TNFRSF10B: variants seen among roughly 807,000 people sequenced by gnomAD.
TNFRSF10B encodes tumor necrosis factor receptor superfamily member 10B.
In TNFRSF10B, 35 loss-of-function variants were observed where a neutral mutation model predicts 41.4. That is an observed-to-expected ratio of 0.85 (90% CI 0.65 to 1.12). The LOEUF (loss-of-function observed/expected upper bound fraction) is 1.12. Ranked by LOEUF, TNFRSF10B falls within the 50% of genes most tolerant of loss-of-function variation. The pLI is 0.00. For synonymous variants in TNFRSF10B, 230 were observed against 215.5 expected (o/e 1.07, Z -0.59); for missense variants, 584 against 552.7 (o/e 1.06, Z -0.57).
chr8:23,062,865 A>T (rs1348795134), intron 1 of TNFRSF10B, among the ~76,000 whole-genome samples: 1 of 152,250 alleles, frequency 6.6e-6, no homozygotes, highest in African/African-American at 2.4e-5. Flanking sequence ...ACTTGAAATA[A>T]TACAGATTGA....
At chr8:23,056,881 A>T (rs1409639958) in intron 1 of TNFRSF10B, among the ~76,000 whole-genome samples, 1 of 152,014 alleles carries the variant, frequency 6.6e-6, no homozygotes, top group Non-Finnish European at 1.5e-5. Context: ...TCTCTTTTTT[A>T]AAAGAGACTT....
Position 23,060,614 on chromosome 8 carries a change from G to A in TNFRSF10B, c.144+8137C>T, listed in dbSNP as rs374688480. On this transcript the variant is annotated intron_variant, in intron 1 of 8. Coordinates refer to ENST00000276431, the MANE Select transcript of TNFRSF10B (RefSeq NM_003842.5). ...TTTTATTCATTTTCAAGATTGTTTT[G>A]GATATTCTGGTCCCTAGAAATTCCA... Among the ~76,000 whole-genome samples the A allele has an allele frequency of 2.7e-4, 41 of 152,130 alleles. 1 individual carries two copies. In the East Asian group the frequency reaches 6.0e-3, roughly 22 times the overall value.
intron 1 of TNFRSF10B, among the ~76,000 whole-genome samples, chr8:23,065,100 G>A (rs934330408): frequency 6.6e-6 from 1 of 152,194 alleles, no homozygotes; most frequent in African/African-American, 2.4e-5. Context: ...GCTGTCACCT[G>A]CTCCACCAGA....
intron 7 of TNFRSF10B, 55 bp downstream of exon 7, chr8:23,027,078 C>G (rs189186303): frequency 6.2e-7 from 1 of 1,612,080 alleles, no homozygotes. Flanking sequence ...CCACTGTCTA[C>G]GAAATCCCAG....
chr8:23,027,808 C>G, intron 5 of TNFRSF10B, 55 bp from the exon 6 acceptor site: 1 of 1,610,994 alleles, frequency 6.2e-7, no homozygotes, highest in Non-Finnish European at 8.5e-7. Flanking sequence ...AAGCACCCCC[C>G]TCCCAGAGGA....
chr8:23,033,359 C>T (rs932990041), intron 2 of TNFRSF10B, among the ~76,000 whole-genome samples: 14 of 151,778 alleles, frequency 9.2e-5, no homozygotes, highest in African/African-American at 1.5e-4. Context: ...CCGAGGCGGG[C>T]GGATCACGAG....
chr8:23,060,645 A>G (rs1330613871), intron 1 of TNFRSF10B, among the ~76,000 whole-genome samples: 4 of 152,190 alleles, frequency 2.6e-5, no homozygotes, highest in Non-Finnish European at 5.9e-5. Context: ...TTCCATATGA[A>G]TTTTAGGATA....
At chr8:23,051,231 G>A (rs887498561) in intron 1 of TNFRSF10B, among the ~76,000 whole-genome samples, 1 of 152,156 alleles carries the variant, frequency 6.6e-6, no homozygotes, top group African/African-American at 2.4e-5. Flanking sequence ...AAAAAGGAAA[G>A]ACTAGTCAAA....
rs765178634 is a variant in TNFRSF10B, at chr8:23,068,945, T to A, written c.-51A>T. ...TCTCAGGCCCGTGGGTTTCAGCCCTTAAAGTAGATCGGGCATCGTCGGTGT... is the reference window on the plus strand; with the variant it reads ...TCTCAGGCCCGTGGGTTTCAGCCCTAAAAGTAGATCGGGCATCGTCGGTGT... On this transcript the variant is annotated 5_prime_UTR_variant, in exon 1 of 9. The change abolishes the stop of an existing upstream ORF in the 5' untranslated region. Transcript: ENST00000276431. 2 of 1,612,774 alleles carry A rather than the reference T, an allele frequency of 1.2e-6. No individual in the cohort carries two copies. Among genetic ancestry groups the A allele is most frequent in the Non-Finnish European group, 1.7e-6 (2 of 1,179,822 alleles).
chr8:23,047,914 T>C (rs1436833298), intron 1 of TNFRSF10B, among the ~76,000 whole-genome samples: 2 of 152,246 alleles, frequency 1.3e-5, no homozygotes, highest in African/African-American at 2.4e-5. Context: ...TCCATGTTCA[T>C]TGCAGCTCTA....
intron 1 of TNFRSF10B, among the ~76,000 whole-genome samples, chr8:23,045,929 A>G (rs1466229921): frequency 1.4e-5 from 2 of 146,354 alleles, no homozygotes; most frequent in African/African-American, 5.0e-5. Flanking sequence ...GTGTAAAGGG[A>G]ATGTATCAAC....
rs545619864 is a variant in TNFRSF10B, at chr8:23,022,076, T to C, written c.*595A>G. Reference sequence around the variant, plus strand: ...GAATTCGAGACCACCCTGAGCAACATAGAGAGCCCCTATATCTAGACAAAA... The same window carrying C: ...GAATTCGAGACCACCCTGAGCAACACAGAGAGCCCCTATATCTAGACAAAA... On this transcript the variant is annotated 3_prime_UTR_variant, in exon 9 of 9. Transcript: ENST00000276431. 3 of 436,004 alleles carry C rather than the reference T, an allele frequency of 6.9e-6. No individual in the cohort carries two copies. Among genetic ancestry groups the C allele is most frequent in the Admixed American group, 2.5e-5 (1 of 39,334 alleles). 27.0% of individuals were successfully genotyped at this position (436,004 alleles called of 1,614,324 possible).
chr8:23,061,366 C>CT (rs1240090896), intron 1 of TNFRSF10B, among the ~76,000 whole-genome samples: 1 of 152,098 alleles, frequency 6.6e-6, no homozygotes, highest in East Asian at 1.9e-4. Flanking sequence ...TCTGTACTGT[C>CT]TTTTACTGAA....
intron 1 of TNFRSF10B, among the ~76,000 whole-genome samples, chr8:23,057,461 C>T (rs1210784692): frequency 7.6e-6 from 1 of 131,864 alleles, no homozygotes; most frequent in Non-Finnish European, 1.6e-5. Context: ...AGATTGGAGT[C>T]TCACTCTGTT....
intron 1 of TNFRSF10B, among the ~76,000 whole-genome samples, chr8:23,056,017 C>T (rs1812654600): frequency 6.6e-6 from 1 of 152,154 alleles, no homozygotes; most frequent in African/African-American, 2.4e-5. Context: ...AATAAAAACT[C>T]TTTCTTCCCA....
chr8:23,033,585 CAAAAAAAAAAAAAAAAAAAAA>C (rs59282000), intron 2 of TNFRSF10B, among the ~76,000 whole-genome samples: 2 of 62,278 alleles, frequency 3.2e-5, no homozygotes, highest in African/African-American at 1.5e-4. Context: ...GACTCCGTCT[CAAAAAAAAAAAAAAAAAAAAA>C]AAAAAAAAAA....
rs190205205 is a variant in TNFRSF10B at position 23,052,000 on chromosome 8, G to A, written c.145-8757C>T. On this transcript the variant is annotated intron_variant, in intron 1 of 8. Coordinates refer to ENST00000276431, the MANE Select transcript of TNFRSF10B (RefSeq NM_003842.5). Reference sequence around the variant, plus strand: ...TACCTTGTAGGTTAGAAGGAAGATGGAGTCAGTTAGGTCAGATCATTTTCA... The same window carrying A: ...TACCTTGTAGGTTAGAAGGAAGATGAAGTCAGTTAGGTCAGATCATTTTCA... 7.9e-5 allele frequency among the ~76,000 whole-genome samples: 12 copies of A among 152,234 alleles called. 2 individuals carry two copies. The highest frequency in any genetic ancestry group is 2.9e-4 in the African/African-American group (12 of 41,532).
At position 23,042,791 on chromosome 8, in the gene TNFRSF10B, T is replaced by G. The variant is rs952749896; in HGVS notation, c.250+347A>C. Reference sequence around the variant, plus strand: ...CCAACTCTTGCCCCCTGGCAATTGTTCCAGTGGAACCCTCCTAGGAGCACT... The same window carrying G: ...CCAACTCTTGCCCCCTGGCAATTGTGCCAGTGGAACCCTCCTAGGAGCACT... On this transcript the variant is annotated intron_variant, in intron 2 of 8. Coordinates refer to ENST00000276431, the MANE Select transcript of TNFRSF10B (RefSeq NM_003842.5). The G allele has an allele frequency of 1.5e-5, 3 of 206,724 alleles. No individual in the cohort carries two copies. The South Asian group carries it at 3.3e-4, about 23-fold the overall frequency. The allele number at this position is 206,724 out of a possible 1,614,324, so 12.8% of individuals were successfully genotyped here.
intron 2 of TNFRSF10B, among the ~76,000 whole-genome samples, chr8:23,034,130 T>G (rs1233568892): frequency 6.6e-6 from 1 of 152,164 alleles, no homozygotes; most frequent in Non-Finnish European, 1.5e-5. Context: ...AAGGATGTGA[T>G]CTATAACAAC....
Sources: gnomAD v4.1 joint callset for allele counts (sites outside exome capture counted in the v4.1 genomes callset) on GRCh38, gnomAD v4.1.1 for gene constraint, MANE v1.5 for transcripts, NCBI Gene and HGNC (gene_info 2026-07-23, HGNC 2026-07-21) for gene names.